The following GCNT1 variants were observed in gnomAD, a reference collection of about 807,000 sequenced individuals.
The protein encoded by GCNT1 is beta-1,3-galactosyl-O-glycosyl-glycoprotein beta-1,6-N-acetylglucosaminyltransferase.
A neutral mutation model predicts 26.2 loss-of-function variants in GCNT1; 16 were observed. The ratio of observed to expected loss-of-function variants is 0.61; its 90% CI spans 0.41 to 0.93. GCNT1 has a LOEUF of 0.93. Ranked by LOEUF, GCNT1 falls within the 40% of genes least tolerant of loss-of-function variation. The pLI is 0.00. For missense variants in GCNT1, 477 were observed against 526.7 expected, an observed-to-expected ratio of 0.91 and a Z score of 0.92; for synonymous variants, 183 against 190.8, an observed-to-expected ratio of 0.96 and a Z score of 0.34.
the GCNT1 span, chr9:76,393,988 G>T: frequency 9.3e-7 from 1 of 1,080,742 alleles, no homozygotes; most frequent in Non-Finnish European, 1.3e-6. Flanking sequence ...CTCTCTGCCC[G>T]CGGTCCGGAG....
chr9:76,492,105 A>G (rs1824756765), intron 2 of GCNT1, among the ~76,000 whole-genome samples: 1 of 152,186 alleles, frequency 6.6e-6, no homozygotes, highest in Non-Finnish European at 1.5e-5. Context: ...TAAGGACGCT[A>G]AGAGCTATTC....
chr9:76,479,467 A>G (rs939865432), intron 2 of GCNT1, among the ~76,000 whole-genome samples: 3 of 152,250 alleles, frequency 2.0e-5, no homozygotes, highest in African/African-American at 4.8e-5. Context: ...ACCAGTTTAC[A>G]GTCCCACCAA....
Position 76,427,198 on chromosome 9 carries a change from C to CTTT in GCNT1, n.38+7325_38+7327dup, listed in dbSNP as rs35341377. Among the ~76,000 whole-genome samples, 728 of 142,032 alleles carry CTTT rather than the reference C, an allele frequency of 5.1e-3. 7 individuals are homozygous for CTTT. Among genetic ancestry groups the CTTT allele is most frequent in the Non-Finnish European group, 8.0e-3 (522 of 65,600 alleles). 93.2% of individuals were successfully genotyped at this position (142,032 alleles called of 152,430 possible). A position where few individuals can be genotyped will look rare whatever the true frequency, so the allele number is the denominator to read the frequency against. On this transcript the variant is annotated intron_variant and non_coding_transcript_variant, in intron 1 of 3. Coordinates refer to the GCNT1 transcript ENST00000488136. ...CAGGAGACACTAATTCTGCCAACAC[C>CTTT]TTTTTTTTTTTTTTTTGAGATAGGG...
Position 76,503,002 on chromosome 9 carries a change from T to G in GCNT1, c.621T>G (p.Ser207Arg), listed in dbSNP as rs1469065845. 1.9e-6 allele frequency: 3 copies of G among 1,613,496 alleles called. No individual in the cohort carries two copies. The highest frequency in any genetic ancestry group is 1.7e-5 in the Admixed American group (1 of 59,976). ...LNCMKDLYAM[S>R]ANWKYLINLC... ...GCATGAAGGATCTCTATGCAATGAGTGCAAACTGGAAGTACTTGATAAATC... is the reference window on the plus strand; with the variant it reads ...GCATGAAGGATCTCTATGCAATGAGGGCAAACTGGAAGTACTTGATAAATC... The change falls in exon 4 of 4, where the codon AGT becomes AGG. Residue 207 changes from serine to arginine, a missense_variant. Physicochemically the swap from Ser to Arg is moderately radical, Grantham distance 110. Coordinates refer to ENST00000376730, the MANE Select transcript of GCNT1 (RefSeq NM_001490.5).
intron 2 of GCNT1, among the ~76,000 whole-genome samples, chr9:76,499,826 A>G (rs935076751): frequency 6.6e-6 from 1 of 152,180 alleles, no homozygotes; most frequent in Non-Finnish European, 1.5e-5. Flanking sequence ...ATACATTATT[A>G]TTAATTATTG....
At position 76,505,539 on chromosome 9, in the gene GCNT1, C is replaced by T. The variant is rs1472647502; in HGVS notation, c.*1871C>T. 1 of 166,618 alleles carries T rather than the reference C, an allele frequency of 6.0e-6. No individual in the cohort carries two copies. The highest frequency in any genetic ancestry group is 2.4e-5 in the African/African-American group (1 of 41,444). 10.3% of individuals were successfully genotyped at this position (166,618 alleles called of 1,614,324 possible). ...ACCTATAAGACAGGGCACCTTTTAA[C>T]TCTAAAACTAGTGATACTCAGTGAC... On this transcript the variant is annotated 3_prime_UTR_variant, in exon 4 of 4. Transcript: ENST00000376730.
chr9:76,448,932 T>A (rs1026613694), intron 1 of GCNT1, among the ~76,000 whole-genome samples: 3 of 152,256 alleles, frequency 2.0e-5, no homozygotes, highest in Non-Finnish European at 4.4e-5. Flanking sequence ...ACATGTCATT[T>A]TCTTTTGGAC....
the GCNT1 span, among the ~76,000 whole-genome samples, chr9:76,396,795 C>T: frequency 6.6e-6 from 1 of 152,160 alleles, no homozygotes; most frequent in Non-Finnish European, 1.5e-5. Context: ...CTGGAGATCA[C>T]GCCACTGCAC....
chr9:76,491,109 T>C (rs2131629780), intron 2 of GCNT1, among the ~76,000 whole-genome samples: 2 of 152,258 alleles, frequency 1.3e-5, no homozygotes, highest in South Asian at 4.1e-4. Context: ...TTCTTTCTCT[T>C]TGACTTCTTC....
chr9:76,394,785 A>G, the GCNT1 span, among the ~76,000 whole-genome samples: 2 of 152,146 alleles, frequency 1.3e-5, no homozygotes, highest in African/African-American at 2.4e-5. Context: ...AGCCAAAGTG[A>G]GACGCTCTTT....
At chr9:76,400,599 A>G in the GCNT1 span, among the ~76,000 whole-genome samples, 21 of 152,312 alleles carry the variant, frequency 1.4e-4, no homozygotes, top group Non-Finnish European at 2.2e-4. Context: ...CTGCCTCTAC[A>G]TTCTCTACCC....
chr9:76,434,950 A>G (rs1052458800), intron 1 of GCNT1, among the ~76,000 whole-genome samples: 3 of 152,108 alleles, frequency 2.0e-5, no homozygotes, highest in Non-Finnish European at 4.4e-5. Context: ...ACCCTGGTAA[A>G]TTTGAGGTCA....
chr9:76,507,278 A>G lies in GCNT1; in HGVS notation c.*3610A>G, dbSNP rs1825264127. 6.0e-6 allele frequency: 1 copy of G among 167,082 alleles called. No homozygotes were observed. Among genetic ancestry groups the G allele is most frequent in the African/African-American group, 2.4e-5 (1 of 41,464 alleles). The allele number at this position is 167,082 out of a possible 1,614,324, so 10.3% of individuals were successfully genotyped here. On this transcript the variant is annotated 3_prime_UTR_variant, in exon 4 of 4. Coordinates refer to ENST00000376730, the MANE Select transcript of GCNT1 (RefSeq NM_001490.5). Reference sequence around the variant, plus strand: ...TCTACGATTTTTAAGTAAGTTGGGGACCATCAGTTTAAAATAAATGCAATA... The same window carrying G: ...TCTACGATTTTTAAGTAAGTTGGGGGCCATCAGTTTAAAATAAATGCAATA...
chr9:76,439,231 T>C (rs1229506984), upstream of GCNT1, among the ~76,000 whole-genome samples: 1 of 146,106 alleles, frequency 6.8e-6, no homozygotes. Flanking sequence ...TTCTTTTTTT[T>C]TTTTTTTTTT....
intron 2 of GCNT1, among the ~76,000 whole-genome samples, chr9:76,494,319 T>TA (rs1407940111): frequency 5.3e-5 from 8 of 152,158 alleles, no homozygotes; most frequent in Non-Finnish European, 1.5e-5. Context: ...GAAAACCTGT[T>TA]AGAGTCCTAA....
At chr9:76,433,782 A>C (rs889659818) in intron 1 of GCNT1, among the ~76,000 whole-genome samples, 1 of 152,174 alleles carries the variant, frequency 6.6e-6, no homozygotes, top group Non-Finnish European at 1.5e-5. Flanking sequence ...ATCCTGTGTC[A>C]GTACCAGATA....
chr9:76,443,191 G>C (rs571489828), intron 1 of GCNT1, among the ~76,000 whole-genome samples: 1 of 152,134 alleles, frequency 6.6e-6, no homozygotes, highest in Admixed American at 6.6e-5. Flanking sequence ...GTGAAACCCC[G>C]TCTGTGAAGA....
At chr9:76,478,503 A>G (rs1339262007) in intron 2 of GCNT1, among the ~76,000 whole-genome samples, 2 of 152,124 alleles carry the variant, frequency 1.3e-5, no homozygotes, top group Non-Finnish European at 2.9e-5. Flanking sequence ...TGTAATACTC[A>G]CCGGGAGGGT....
chr9:76,410,058 A>AT, the GCNT1 span, among the ~76,000 whole-genome samples: 2 of 152,016 alleles, frequency 1.3e-5, no homozygotes, highest in Middle Eastern at 3.4e-3. Flanking sequence ...GTATTTTGGG[A>AT]TTTTCTAGCT....
Sources: allele counts gnomAD v4.1 joint callset (sites outside exome capture counted in the v4.1 genomes callset), GRCh38; gene constraint gnomAD v4.1.1; transcripts MANE v1.5; gene names NCBI Gene and HGNC (gene_info 2026-07-23, HGNC 2026-07-21).